WDR3: variants seen among roughly 807,000 people sequenced by gnomAD.
WDR3 encodes the protein WD repeat domain 3.
Under a neutral mutation model 123.7 loss-of-function variants are expected in WDR3, and 81 were observed. That is an observed-to-expected ratio of 0.65 (90% CI 0.55 to 0.79). The LOEUF (loss-of-function observed/expected upper bound fraction) is 0.79. Ranked by LOEUF, WDR3 falls within the 30% of genes least tolerant of loss-of-function variation. The pLI, the probability that WDR3 is intolerant of heterozygous loss-of-function variation, is 0.00. For synonymous variants in WDR3, 390 were observed against 388.8 expected, an observed-to-expected ratio of 1.00 and a Z score of -0.04; for missense variants, 1,027 against 1,123.2, an observed-to-expected ratio of 0.91 and a Z score of 1.22.
At position 117,959,197 on chromosome 1, in the gene WDR3, AAC is replaced by A. The variant is rs1216552354; in HGVS notation, c.2677-92_2677-91del. The A allele has an allele frequency of 3.4e-6, 5 of 1,463,084 alleles. No individual in the cohort carries two copies. The African/African-American group carries it at 4.3e-5, about 12-fold the overall frequency. 90.6% of individuals were successfully genotyped at this position (1,463,084 alleles called of 1,614,324 possible). A position where few individuals can be genotyped will look rare whatever the true frequency, so the allele number is the denominator to read the frequency against. ...TCTTAATGAGGGAAAGATAAGTAAC[AAC>A]ACCTGAAGCTTTGGTTACCCTAACT... On this transcript the variant is annotated intron_variant, in intron 26 of 26. Transcript: ENST00000349139.
At chr1:117,945,355 A>G (rs191262265) in intron 11 of WDR3, among the ~76,000 whole-genome samples, 2 of 152,312 alleles carry the variant, frequency 1.3e-5, no homozygotes, top group African/African-American at 4.8e-5. Context: ...CTTCAACAGA[A>G]CAAGAATGTG....
In WDR3 at chr1:117,964,092, T is replaced by C; in HGVS notation, c.*4645T>C. 4 of 779,796 alleles carry C rather than the reference T, an allele frequency of 5.1e-6. No individual in the cohort carries two copies. Among genetic ancestry groups the C allele is most frequent in the Non-Finnish European group, 6.0e-6 (3 of 497,448 alleles). The allele number at this position is 779,796 out of a possible 1,614,324, so 48.3% of individuals were successfully genotyped here. A position where few individuals can be genotyped will look rare whatever the true frequency, so the allele number is the denominator to read the frequency against. ...CAATGCAAATTCTGCATGCTCAGGC[T>C]TGGGGGTTAGAGGATGGATATGCCA... On this transcript the variant is annotated 3_prime_UTR_variant, in exon 27 of 27. Coordinates refer to ENST00000349139, the MANE Select transcript of WDR3 (RefSeq NM_006784.3).
chr1:117,942,019 T>G (rs1459497983), intron 9 of WDR3, among the ~76,000 whole-genome samples, 172 bp downstream of exon 9: 1 of 152,178 alleles, frequency 6.6e-6, no homozygotes, highest in Non-Finnish European at 1.5e-5. Context: ...AGACAGAAAA[T>G]CATCTGATTT....
rs531888332 is a variant in WDR3, at chr1:117,962,913, G to T, written c.*3466G>T. ...GATTAGTCTTCAGAAAGAGAGGGAG[G>T]TTGTGAGCAGAAGCTTAATGAAGAA... On this transcript the variant is annotated 3_prime_UTR_variant, in exon 27 of 27. Coordinates refer to ENST00000349139, the MANE Select transcript of WDR3 (RefSeq NM_006784.3). 3.9e-5 allele frequency: 6 copies of T among 152,358 alleles called. No homozygotes were observed. Among genetic ancestry groups the T allele is most frequent in the East Asian group, 3.9e-4 (2 of 5,190 alleles). 9.4% of individuals were successfully genotyped at this position (152,358 alleles called of 1,614,324 possible).
intron 12 of WDR3, 126 bp downstream of exon 12, chr1:117,946,305 A>C (rs1417764940): frequency 3.3e-6 from 2 of 602,292 alleles, no homozygotes; most frequent in Non-Finnish European, 5.4e-6. Flanking sequence ...GGAGGATGTT[A>C]GTTTATTACA....
chr1:117,936,409 A>G (rs897062168), intron 3 of WDR3, among the ~76,000 whole-genome samples: 3 of 152,152 alleles, frequency 2.0e-5, no homozygotes, highest in Non-Finnish European at 4.4e-5. Flanking sequence ...TTACTTTAGA[A>G]TTGATTATTA....
intron 7 of WDR3, 70 bp from the exon 8 acceptor site, chr1:117,941,054 G>T: frequency 1.4e-5 from 22 of 1,593,564 alleles, no homozygotes; most frequent in Non-Finnish European, 1.9e-5. Flanking sequence ...GCACTTATTA[G>T]AATTATGTTT....
chr1:117,933,116 A>G (rs1157169395), intron 1 of WDR3, among the ~76,000 whole-genome samples, 172 bp from the exon 2 acceptor site: 2 of 152,012 alleles, frequency 1.3e-5, no homozygotes, highest in Non-Finnish European at 2.9e-5. Context: ...AGGCAGGAGA[A>G]TCGCTTGAAC....
chr1:117,964,225 C>A lies in WDR3; in HGVS notation c.*4778C>A. ...GTCAAGCCCCAAACCATATCTACATCAGATTTCATGCTTTTTTTTTTTTTT... is the reference window on the plus strand; with the variant it reads ...GTCAAGCCCCAAACCATATCTACATAAGATTTCATGCTTTTTTTTTTTTTT... On this transcript the variant is annotated 3_prime_UTR_variant, in exon 27 of 27. Transcript: ENST00000349139. 2.0e-5 allele frequency: 4 copies of A among 203,134 alleles called. No homozygotes were observed. Among genetic ancestry groups the A allele is most frequent in the Non-Finnish European group, 3.0e-5 (3 of 101,636 alleles). The allele number at this position is 203,134 out of a possible 1,614,324, so 12.6% of individuals were successfully genotyped here.
At chr1:117,933,187 G>C in intron 1 of WDR3, 101 bp from the exon 2 acceptor site, 4 of 1,000,080 alleles carry the variant, frequency 4.0e-6, no homozygotes, top group Non-Finnish European at 5.8e-6. Context: ...CTGGGCAACA[G>C]AGTGAGACTC....
At chr1:117,931,255 A>G (rs888832876) in intron 1 of WDR3, among the ~76,000 whole-genome samples, 8 of 152,152 alleles carry the variant, frequency 5.3e-5, no homozygotes, top group Non-Finnish European at 1.2e-4. Context: ...GCTCATATTT[A>G]CAATGTGCTA....
At position 117,966,518 on chromosome 1, in the gene WDR3, A is replaced by C; in HGVS notation, c.*7071A>C. 1 of 1,182,408 alleles carries C rather than the reference A, an allele frequency of 8.5e-7. No homozygotes were observed. The highest frequency in any genetic ancestry group is 1.1e-6 in the Non-Finnish European group (1 of 870,384). 73.2% of individuals were successfully genotyped at this position (1,182,408 alleles called of 1,614,324 possible). ...CTCTGATTTTGAAGATAGAATTAAT[A>C]AAGTAGAGATGCATTTTGACTTCCA... On this transcript the variant is annotated 3_prime_UTR_variant, in exon 27 of 27. Coordinates refer to ENST00000349139, the MANE Select transcript of WDR3 (RefSeq NM_006784.3).
intron 24 of WDR3, 56 bp downstream of exon 24, chr1:117,955,414 G>A: frequency 6.6e-7 from 1 of 1,507,400 alleles, no homozygotes; most frequent in Non-Finnish European, 9.2e-7. Context: ...TTTATGAAGT[G>A]CTTATCTGAA....
chr1:117,950,887 T>C lies in WDR3; in HGVS notation c.1800T>C (p.Ser600=). Residue 600 remains serine, a synonymous_variant, in exon 16 of 27, where the codon TCT becomes TCC. Transcript: ENST00000349139. The part of the protein sequence containing the change: ...HKLPVICMDI[S]HDGALIATGS... ...TGCCTGTTATATGCATGGACATCTC[T>C]CATGTAAGTAGTTTAAATAGTGTCT... 5 of 1,607,608 alleles carry C rather than the reference T, an allele frequency of 3.1e-6. No individual in the cohort carries two copies. Among genetic ancestry groups the C allele is most frequent in the Non-Finnish European group, 4.2e-6 (5 of 1,178,088 alleles).
intron 16 of WDR3, among the ~76,000 whole-genome samples, chr1:117,951,508 C>CTTTTTTTTTTTTTTTTTTT (rs60053262): frequency 7.8e-6 from 1 of 128,794 alleles, no homozygotes; most frequent in African/African-American, 2.8e-5. Context: ...AAATGTATTT[C>CTTTTTTTTTTTTTTTTTTT]TTTTTTTTTT....
rs578195283 is a variant in WDR3 at position 117,962,191 on chromosome 1, A to G, written c.*2744A>G. ...GCTAAGTGTTATACTAATCGAAGAG[A>G]AGGAGAACTTTTATGATAAAGTGAC... On this transcript the variant is annotated 3_prime_UTR_variant, in exon 27 of 27. Coordinates refer to ENST00000349139, the MANE Select transcript of WDR3 (RefSeq NM_006784.3). 2.0e-5 allele frequency: 3 copies of G among 152,156 alleles called. No individual in the cohort carries two copies. In the East Asian group the frequency reaches 5.8e-4, roughly 29 times the overall value. 9.4% of individuals were successfully genotyped at this position (152,156 alleles called of 1,614,324 possible).
chr1:117,954,127 T>C (rs1202166822), intron 22 of WDR3, 28 bp downstream of exon 22: 1 of 1,576,670 alleles, frequency 6.3e-7, no homozygotes, highest in African/African-American at 1.4e-5. Flanking sequence ...TAAGTTACAG[T>C]ATCAATAAAG....
At chr1:117,944,978 C>A (rs1460124812) in intron 11 of WDR3, among the ~76,000 whole-genome samples, 5 of 152,202 alleles carry the variant, frequency 3.3e-5, no homozygotes, top group Admixed American at 3.3e-4. Context: ...CAGGCATGAG[C>A]CACCGCACCC....
intron 9 of WDR3, 106 bp from the exon 10 acceptor site, chr1:117,942,331 A>G (rs1651199018): frequency 3.4e-6 from 3 of 879,976 alleles, no homozygotes; most frequent in Non-Finnish European, 5.5e-6. Flanking sequence ...TGACTTTTCC[A>G]GAATAACACA....
Sources: allele counts gnomAD v4.1 joint callset (sites outside exome capture counted in the v4.1 genomes callset), GRCh38; gene constraint gnomAD v4.1.1; transcripts MANE v1.5; gene names NCBI Gene and HGNC (gene_info 2026-07-23, HGNC 2026-07-21).